The following PROM1 variants were observed in gnomAD, a reference collection of about 807,000 sequenced individuals.
PROM1 encodes the protein prominin 1, also known as prominin-1.
Under a neutral mutation model 116.9 loss-of-function variants are expected in PROM1, and 105 were observed. The observed-to-expected ratio is 0.90, with a 90% CI of 0.77 to 1.06. The LOEUF (loss-of-function observed/expected upper bound fraction) is 1.06. PROM1 is among the 50% of genes least tolerant of loss of function. The pLI is 0.00. For missense variants in PROM1, 1,122 were observed against 1,045.2 expected, an observed-to-expected ratio of 1.07 and a Z score of -1.01; for synonymous variants, 393 against 387.0, an observed-to-expected ratio of 1.02 and a Z score of -0.18.
rs761258781 is a variant in PROM1, at chr4:15,987,710, G to A, written c.2083C>T (p.Leu695=). The change falls in exon 20 of 28, where the codon CTA becomes TTA. Residue 695 remains leucine (L), a synonymous_variant. Transcript: ENST00000447510. ...VLPIEQSLST[L]YQSVKILQRT... is the part of the protein sequence containing the mutation. ...TGAAGTATCTTGACGCTTTGGTATA[G>A]AGTGCTCTGGCAAGAAACAGATAAT... is the stretch of plus-strand genomic sequence containing the variant. 1 of 1,610,734 alleles carries A rather than the reference G, an allele frequency of 6.2e-7. No homozygotes were observed. The highest frequency in any genetic ancestry group is 8.5e-7 in the Non-Finnish European group (1 of 1,178,860).
At chr4:16,021,267 T>C (rs1463659990) in intron 8 of PROM1, among the ~76,000 whole-genome samples, 2 of 152,190 alleles carry the variant, frequency 1.3e-5, no homozygotes, top group African/African-American at 2.4e-5. Flanking sequence ...CTTTGAGTTA[T>C]CTTTTACCTA....
At chr4:16,008,769 G>A (rs553233155) in intron 12 of PROM1, among the ~76,000 whole-genome samples, 180 bp downstream of exon 12, 1 of 152,312 alleles carries the variant, frequency 6.6e-6, no homozygotes, top group South Asian at 2.1e-4. Flanking sequence ...TATATGTGCT[G>A]CCTGGTCTAA....
chr4:15,972,508 A>T (rs1341564509), intron 26 of PROM1, among the ~76,000 whole-genome samples: 1 of 152,170 alleles, frequency 6.6e-6, no homozygotes, highest in African/African-American at 2.4e-5. Flanking sequence ...ATGAAGGCAG[A>T]ACTCTCATGA....
chr4:15,985,553 C>A, intron 22 of PROM1: 1 of 563,664 alleles, frequency 1.8e-6, no homozygotes, highest in Non-Finnish European at 3.1e-6. Flanking sequence ...CTGCATATGG[C>A]AAAGGTGAGC....
At position 16,034,768 on chromosome 4, in the gene PROM1, G is replaced by C. The variant is rs376020681; in HGVS notation, c.303+967C>G. ...AGCTGAGCAAAGGAAAATAAAACAC[G>C]AGTCTTGTTCCTGGGAGCAAATGTG... On this transcript the variant is annotated intron_variant, in intron 4 of 27. Coordinates refer to ENST00000447510, the MANE Select transcript of PROM1 (RefSeq NM_006017.3). Among the ~76,000 whole-genome samples, 14 of 152,296 alleles carry C rather than the reference G, an allele frequency of 9.2e-5. No homozygotes were observed. The South Asian group carries it at 2.9e-3, about 32-fold the overall frequency.
At chr4:16,016,683 A>G (rs1330513362) in intron 9 of PROM1, among the ~76,000 whole-genome samples, 3 of 152,316 alleles carry the variant, frequency 2.0e-5, no homozygotes, top group Admixed American at 1.3e-4. Flanking sequence ...CAATACTGGG[A>G]CGAACATCAT....
chr4:16,017,219 T>TAA (rs1187054070), intron 9 of PROM1, among the ~76,000 whole-genome samples: 1 of 152,182 alleles, frequency 6.6e-6, no homozygotes, highest in East Asian at 1.9e-4. Flanking sequence ...GATAAACTGA[T>TAA]AAAATATGAT....
intron 9 of PROM1, among the ~76,000 whole-genome samples, chr4:16,017,081 G>A (rs1469993105): frequency 1.3e-5 from 2 of 152,104 alleles, no homozygotes; most frequent in African/African-American, 4.8e-5. Flanking sequence ...AAGTTAGGAA[G>A]GACAATAAAA....
chr4:16,013,903 C>T (rs1488035738), intron 10 of PROM1, among the ~76,000 whole-genome samples: 1 of 151,224 alleles, frequency 6.6e-6, no homozygotes, highest in Non-Finnish European at 1.5e-5. Flanking sequence ...AAAACAGAAT[C>T]TTACTTTCTA....
intron 13 of PROM1, among the ~76,000 whole-genome samples, chr4:16,006,046 T>C (rs1725385714): frequency 6.6e-6 from 1 of 152,234 alleles, no homozygotes; most frequent in African/African-American, 2.4e-5. Context: ...TAATCTAGGC[T>C]ACCTGTCTAA....
intron 19 of PROM1, 59 bp from the exon 20 acceptor site, chr4:15,987,775 C>T: frequency 2.9e-6 from 4 of 1,386,786 alleles, no homozygotes; most frequent in Non-Finnish European, 4.1e-6. Context: ...GATCACATAC[C>T]TTGTGTCCTC....
chr4:15,985,818 T>C lies in PROM1; in HGVS notation c.2222A>G (p.Lys741Arg). 6.4e-7 allele frequency: 1 copy of C among 1,571,270 alleles called. No individual in the cohort carries two copies. The highest frequency in any genetic ancestry group is 8.7e-7 in the Non-Finnish European group (1 of 1,145,574). ...ATATCCTATTATTGTTCTCCCATAC[T>C]TCTTAGTTTCCTGGAAAGAAACAAA... ...TSSVIIEETK[K>R]YGRTIIGYFE... Residue 741 changes from lysine to arginine, a missense_variant, in exon 22 of 28, where the codon AAG becomes AGG. Physicochemically the swap from Lys to Arg is conservative, Grantham distance 26. Coordinates refer to ENST00000447510, the MANE Select transcript of PROM1 (RefSeq NM_006017.3).
rs1313937039 is a variant in PROM1, at chr4:15,980,276, C to A, written c.2489+146G>T. On this transcript the variant is annotated intron_variant, in intron 24 of 27. Transcript: ENST00000447510. ...ATCAGTACCAAGAAAAAAAAATTCA[C>A]CTGAACAGAAGTGACCCAACTACTA... 13 of 658,450 alleles carry A rather than the reference C, an allele frequency of 2.0e-5. No individual in the cohort carries two copies. In the Admixed American group the frequency reaches 3.0e-4, roughly 15 times the overall value. The allele number at this position is 658,450 out of a possible 1,614,324, so 40.8% of individuals were successfully genotyped here. A position where few individuals can be genotyped will look rare whatever the true frequency, so the allele number is the denominator to read the frequency against.
chr4:16,037,617 A>G (rs1232429664), intron 3 of PROM1, among the ~76,000 whole-genome samples: 1 of 152,172 alleles, frequency 6.6e-6, no homozygotes, highest in African/African-American at 2.4e-5. Flanking sequence ...AAAAACGTCC[A>G]CCTATACATC....
chr4:16,062,097 T>C (rs1336258161), intron 2 of PROM1, among the ~76,000 whole-genome samples: 1 of 152,002 alleles, frequency 6.6e-6, no homozygotes, highest in Non-Finnish European at 1.5e-5. Flanking sequence ...TTTCACCGTG[T>C]TGGCCAGGCT....
At chr4:15,979,301 AG>A in intron 26 of PROM1, 93 bp downstream of exon 26, 1 of 1,580,102 alleles carries the variant, frequency 6.3e-7, no homozygotes, top group Non-Finnish European at 8.6e-7. Context: ...AGAGAAGTGA[AG>A]GCATCAGCAG....
At chr4:16,055,543 A>G (rs1259291009) in intron 2 of PROM1, 1 of 405,570 alleles carries the variant, frequency 2.5e-6, no homozygotes, top group African/African-American at 2.1e-5. Context: ...CCTAATACCA[A>G]TTCACGGTAA....
rs1171955918 is a variant in PROM1, at chr4:15,989,824, G to A, written c.1984C>T (p.Pro662Ser). The change falls in exon 19 of 28, where the codon CCC becomes TCC. Residue 662 changes from proline to serine, a missense_variant and splice_region_variant. Transcript: ENST00000447510. ...AGGGAGTTCCTCAAATTTCCTGGGG[G>A]CTACAAAAAGAATAAAAAACAAAGA... The part of the protein sequence containing the change: ...YDLEAKANSL[P>S]PGNLRNSLKR... 1 of 1,593,412 alleles carries A rather than the reference G, an allele frequency of 6.3e-7. No individual in the cohort carries two copies. The highest frequency in any genetic ancestry group is 8.6e-7 in the Non-Finnish European group (1 of 1,167,032).
rs1577891745 is a variant in PROM1 at position 15,992,493 on chromosome 4, C to T, written c.1768-102G>A. 7.0e-6 allele frequency: 9 copies of T among 1,284,882 alleles called. No individual in the cohort carries two copies. In the East Asian group the frequency reaches 2.2e-4, roughly 32 times the overall value. The allele number at this position is 1,284,882 out of a possible 1,614,324, so 79.6% of individuals were successfully genotyped here. ...AAAAGCTGGATGTGGTGGCTCATGC[C>T]TGCAATCCTAGCACTTTGGGAGGCT... On this transcript the variant is annotated intron_variant, in intron 16 of 27. Coordinates refer to ENST00000447510, the MANE Select transcript of PROM1 (RefSeq NM_006017.3).
Sources: gnomAD v4.1 joint callset for allele counts (sites outside exome capture counted in the v4.1 genomes callset) on GRCh38, gnomAD v4.1.1 for gene constraint, MANE v1.5 for transcripts, NCBI Gene and HGNC (gene_info 2026-07-23, HGNC 2026-07-21) for gene names.